Variants in AMMECR1 observed in about 807,000 individuals in gnomAD.
AMMECR1 encodes AMMECR nuclear protein 1.
A neutral mutation model predicts 22.5 loss-of-function variants in AMMECR1; 3 were observed. That is an observed-to-expected ratio of 0.13 (90% CI 0.06 to 0.35). The LOEUF is 0.35. Ranked by LOEUF, AMMECR1 falls within the 10% of genes least tolerant of loss-of-function variation. AMMECR1 has a pLI of 1.00. For missense variants in AMMECR1, 235 were observed against 278.7 expected, an observed-to-expected ratio of 0.84 and a Z score of 1.12; for synonymous variants, 130 against 116.7, an observed-to-expected ratio of 1.11 and a Z score of -0.74.
chrX:110,336,227 T>A (rs1382027860), intron 2 of AMMECR1, among the ~76,000 whole-genome samples: 1 of 111,585 alleles, frequency 9.0e-6, no homozygotes, highest in Admixed American at 9.5e-5. Context: ...TTTGAGCTAT[T>A]TTTAGAGGTT....
At chrX:110,333,523 C>T (rs1362222888) in intron 2 of AMMECR1, among the ~76,000 whole-genome samples, 1 of 111,465 alleles carries the variant, frequency 9.0e-6, no homozygotes, top group African/African-American at 3.3e-5. Context: ...CACATGCACA[C>T]GTATGTTTGT....
At chrX:110,329,249 C>T (rs763470277) in intron 2 of AMMECR1, among the ~76,000 whole-genome samples, 6 of 112,121 alleles carry the variant, frequency 5.4e-5, no homozygotes, top group Admixed American at 1.9e-4. Context: ...GTTTCTTGGC[C>T]GCATAAATGT....
intron 2 of AMMECR1, among the ~76,000 whole-genome samples, chrX:110,337,198 G>A (rs754760302): frequency 3.6e-5 from 4 of 110,685 alleles, no homozygotes; most frequent in Non-Finnish European, 5.7e-5. Flanking sequence ...GGGTACTCTA[G>A]GACCCATTTC....
upstream of AMMECR1, among the ~76,000 whole-genome samples, chrX:110,318,460 C>G (rs760813868): frequency 9.1e-6 from 1 of 110,343 alleles, no homozygotes; most frequent in African/African-American, 3.3e-5. Flanking sequence ...TGGGCACGCC[C>G]GGGAAGGAAG....
intron 2 of AMMECR1, among the ~76,000 whole-genome samples, chrX:110,232,748 G>C (rs949376193): frequency 4.6e-5 from 5 of 108,235 alleles, no homozygotes; most frequent in African/African-American, 1.7e-4. Context: ...AAATTAGCCG[G>C]GCATGGTGGT....
chrX:110,437,395 C>CA (rs2068846683), intron 1 of AMMECR1, among the ~76,000 whole-genome samples: 1 of 112,431 alleles, frequency 8.9e-6, no homozygotes, highest in Non-Finnish European at 1.9e-5. Context: ...GTCTTCACAA[C>CA]ATTATATGAT....
At chrX:110,291,465 G>T (rs773168717) in intron 1 of AMMECR1, among the ~76,000 whole-genome samples, 1 of 111,359 alleles carries the variant, frequency 9.0e-6, no homozygotes, top group East Asian at 2.8e-4. Flanking sequence ...GGCAGAGGTC[G>T]CAGTGAGCAG....
At chrX:110,389,593 T>A (rs2068480873) in intron 2 of AMMECR1, among the ~76,000 whole-genome samples, 1 of 112,178 alleles carries the variant, frequency 8.9e-6, no homozygotes, top group Non-Finnish European at 1.9e-5. Context: ...TACCATACCC[T>A]TAAGGTTATT....
At chrX:110,221,437 C>T in intron 2 of AMMECR1, among the ~76,000 whole-genome samples, 1 of 111,402 alleles carries the variant, frequency 9.0e-6, no homozygotes, top group Non-Finnish European at 1.9e-5. Flanking sequence ...TAAAAATGTG[C>T]CTATTCATCA....
intron 2 of AMMECR1, among the ~76,000 whole-genome samples, chrX:110,337,304 G>A (rs1198642563): frequency 8.9e-6 from 1 of 111,934 alleles, no homozygotes; most frequent in African/African-American, 3.2e-5. Flanking sequence ...ATACATTATA[G>A]CTTTAATTAT....
At chrX:110,352,516 C>T (rs2068214986) in intron 2 of AMMECR1, among the ~76,000 whole-genome samples, 1 of 111,788 alleles carries the variant, frequency 8.9e-6, no homozygotes, top group East Asian at 2.8e-4. Context: ...GGCAGGAAGT[C>T]ATTTGGTGGT....
intron 2 of AMMECR1, among the ~76,000 whole-genome samples, chrX:110,330,077 C>T (rs1005209942): frequency 1.3e-4 from 15 of 111,574 alleles, no homozygotes; most frequent in African/African-American, 4.6e-4. Context: ...TCAGCCTCAG[C>T]TGGGCCTTCT....
chrX:110,390,536 T>C (rs1283561640), intron 2 of AMMECR1, among the ~76,000 whole-genome samples: 2 of 111,501 alleles, frequency 1.8e-5, no homozygotes, highest in African/African-American at 6.5e-5. Flanking sequence ...CTAGGTGAAC[T>C]GAATATGCCC....
intron 1 of AMMECR1, among the ~76,000 whole-genome samples, chrX:110,297,448 G>A (rs1483187250): frequency 9.0e-6 from 1 of 111,684 alleles, no homozygotes; most frequent in Non-Finnish European, 1.9e-5. Context: ...AAGATGTGAG[G>A]AGCTTGCAAC....
intron 2 of AMMECR1, among the ~76,000 whole-genome samples, chrX:110,225,479 TAGTCAAACAGCTTA>T (rs1274968530): frequency 3.3e-4 from 37 of 112,137 alleles, no homozygotes; most frequent in Non-Finnish European, 6.4e-4. Context: ...CTACACACAA[TAGTCAAACAGCTTA>T]AGAAGATTCC....
chrX:110,204,043 C>T (rs1233941114), intron 3 of AMMECR1, among the ~76,000 whole-genome samples: 2 of 111,643 alleles, frequency 1.8e-5, no homozygotes, highest in African/African-American at 3.3e-5. Context: ...GAAATAACTA[C>T]GTATATAGCT....
intron 1 of AMMECR1, among the ~76,000 whole-genome samples, chrX:110,431,454 G>A (rs2068796147): frequency 9.1e-6 from 1 of 109,918 alleles, no homozygotes; most frequent in Non-Finnish European, 1.9e-5. Context: ...TAACTCACCA[G>A]TTCACATGGG....
At chrX:110,318,224 C>T, upstream of AMMECR1, 4 of 281,049 alleles carry the variant, frequency 1.4e-5, no homozygotes, top group Non-Finnish European at 1.9e-5. Flanking sequence ...CCTAGCCACG[C>T]GGCTGCCCCG....
rs369100204 is a variant in AMMECR1, at chrX:110,226,381, G to A, written c.585-9749C>T. 5.1e-4 allele frequency among the ~76,000 whole-genome samples: 57 copies of A among 111,625 alleles called. 1 individual carries two copies. The East Asian group carries it at 9.9e-3, about 19-fold the overall frequency. Reference sequence around the variant, plus strand: ...AGCACTTTGGGAGGCCAAGGCAGGCGGATCACGAGGTCAGGAGTTCAAGAC... The same window carrying A: ...AGCACTTTGGGAGGCCAAGGCAGGCAGATCACGAGGTCAGGAGTTCAAGAC... On this transcript the variant is annotated intron_variant, in intron 2 of 5. Coordinates refer to ENST00000262844, the MANE Select transcript of AMMECR1 (RefSeq NM_015365.3).
Sources: allele counts gnomAD v4.1 joint callset (sites outside exome capture counted in the v4.1 genomes callset), GRCh38; gene constraint gnomAD v4.1.1; transcripts MANE v1.5; gene names NCBI Gene and HGNC (gene_info 2026-07-23, HGNC 2026-07-21).